Variants in MYO3B observed in about 807,000 individuals in gnomAD.
MYO3B encodes myosin-IIIb.
In MYO3B, 156 loss-of-function variants were observed where a neutral mutation model predicts 174.6. The observed-to-expected ratio is 0.89, with a 90% CI of 0.78 to 1.02. The LOEUF (loss-of-function observed/expected upper bound fraction) is 1.02. Among genes scored for constraint, MYO3B ranks in the 50% least tolerant of loss-of-function variants. The pLI, the probability that MYO3B is intolerant of heterozygous loss-of-function variation, is 0.00. For synonymous variants in MYO3B, 563 were observed against 569.1 expected (o/e 0.99, Z 0.15); for missense variants, 1,632 against 1,639.4 (o/e 1.00, Z 0.08).
At chr2:170,223,141 T>A (rs766026722) in intron 6 of MYO3B, among the ~76,000 whole-genome samples, 2 of 152,128 alleles carry the variant, frequency 1.3e-5, no homozygotes, top group Admixed American at 6.5e-5. Flanking sequence ...TTAAAATTAT[T>A]ATTATCTCCT....
intron 32 of MYO3B, among the ~76,000 whole-genome samples, chr2:170,621,753 C>T (rs1222894270): frequency 6.6e-6 from 1 of 152,070 alleles, no homozygotes; most frequent in Non-Finnish European, 1.5e-5. Flanking sequence ...CTCAAATGAT[C>T]CACCCGCCTC....
At chr2:170,224,120 G>C (rs1005449121) in intron 6 of MYO3B, among the ~76,000 whole-genome samples, 1 of 152,362 alleles carries the variant, frequency 6.6e-6, no homozygotes, top group African/African-American at 2.4e-5. Flanking sequence ...TTGCTAAGCA[G>C]AGGCATAGTG....
chr2:170,575,809 T>G (rs1559129592), intron 32 of MYO3B, among the ~76,000 whole-genome samples: 4 of 152,188 alleles, frequency 2.6e-5, no homozygotes, highest in Admixed American at 1.3e-4. Flanking sequence ...AAAGCATTTT[T>G]TAAAAGAAAA....
chr2:170,621,058 T>G (rs1346058133), intron 32 of MYO3B, among the ~76,000 whole-genome samples: 1 of 151,968 alleles, frequency 6.6e-6, no homozygotes, highest in Non-Finnish European at 1.5e-5. Context: ...CTGGCTAATT[T>G]TTGTATTTTT....
intron 23 of MYO3B, among the ~76,000 whole-genome samples, chr2:170,449,953 C>T (rs1285867594): frequency 6.6e-6 from 1 of 152,088 alleles, no homozygotes; most frequent in Non-Finnish European, 1.5e-5. Context: ...CCCATCAGAG[C>T]CCTATATCTG....
intron 25 of MYO3B, among the ~76,000 whole-genome samples, chr2:170,489,571 C>G (rs138824629): frequency 1.5e-3 from 228 of 152,110 alleles, no homozygotes; most frequent in African/African-American, 4.0e-3. Context: ...AAGGTTGGCT[C>G]TGTCTCCACA....
chr2:170,275,956 T>G (rs2093461268), intron 7 of MYO3B, among the ~76,000 whole-genome samples: 1 of 152,218 alleles, frequency 6.6e-6, no homozygotes, highest in Middle Eastern at 3.2e-3. Context: ...AAGCAGAATT[T>G]TGTAAACTTT....
intron 32 of MYO3B, chr2:170,647,047 C>A: frequency 1.9e-6 from 1 of 540,296 alleles, no homozygotes. Flanking sequence ...TAAACGCATG[C>A]ATGTCACTAA....
At chr2:170,445,284 T>C (rs2094832246) in intron 23 of MYO3B, among the ~76,000 whole-genome samples, 1 of 152,210 alleles carries the variant, frequency 6.6e-6, no homozygotes, top group African/African-American at 2.4e-5. Flanking sequence ...CCATGAGGCA[T>C]ATCACAACCT....
intron 32 of MYO3B, among the ~76,000 whole-genome samples, chr2:170,584,144 C>T (rs1378628633): frequency 6.6e-6 from 1 of 152,178 alleles, no homozygotes; most frequent in African/African-American, 2.4e-5. Flanking sequence ...TTAAATGAAT[C>T]TGAATTTTTT....
intron 8 of MYO3B, among the ~76,000 whole-genome samples, chr2:170,337,078 T>C (rs553720944): frequency 6.6e-6 from 1 of 151,778 alleles, no homozygotes; most frequent in Non-Finnish European, 1.5e-5. Context: ...CAGTCAAAGG[T>C]GATGGTGTCA....
chr2:170,268,627 G>T (rs980618181), intron 7 of MYO3B, among the ~76,000 whole-genome samples: 3 of 152,118 alleles, frequency 2.0e-5, no homozygotes, highest in African/African-American at 7.2e-5. Flanking sequence ...TAAAATGCAA[G>T]TCATATTTAC....
At chr2:170,422,896 T>C (rs923332582) in intron 22 of MYO3B, among the ~76,000 whole-genome samples, 1 of 152,104 alleles carries the variant, frequency 6.6e-6, no homozygotes. Context: ...GTTTACTTTT[T>C]TTGTACTAAG....
chr2:170,463,551 A>T, intron 24 of MYO3B, 106 bp downstream of exon 24: 1 of 967,070 alleles, frequency 1.0e-6, no homozygotes, highest in Non-Finnish European at 1.6e-6. Context: ...CAAAGCACAG[A>T]GTCAAGAAAG....
intron 22 of MYO3B, among the ~76,000 whole-genome samples, chr2:170,422,453 T>C (rs908028811): frequency 5.6e-5 from 8 of 143,208 alleles, no homozygotes; most frequent in African/African-American, 2.1e-4. Context: ...TAAAATGTTC[T>C]ATTAGCCACT....
intron 32 of MYO3B, among the ~76,000 whole-genome samples, chr2:170,545,340 A>G (rs1234754749): frequency 2.0e-5 from 3 of 152,188 alleles, no homozygotes; most frequent in Non-Finnish European, 4.4e-5. Context: ...TGCATATCTG[A>G]GTGGTTTTAC....
chr2:170,610,133 A>C (rs776084114), intron 32 of MYO3B, among the ~76,000 whole-genome samples: 11 of 152,144 alleles, frequency 7.2e-5, no homozygotes, highest in Non-Finnish European at 1.5e-4. Context: ...TCAGGAGATC[A>C]AGACCATCCT....
chr2:170,608,463 A>G (rs1694948007), intron 32 of MYO3B, among the ~76,000 whole-genome samples: 1 of 152,204 alleles, frequency 6.6e-6, no homozygotes, highest in Admixed American at 6.5e-5. Context: ...TCCAAAAGGC[A>G]ACCAAGAGAA....
chr2:170,435,068 T>C (rs574203692), intron 22 of MYO3B, among the ~76,000 whole-genome samples: 1 of 152,384 alleles, frequency 6.6e-6, no homozygotes, highest in African/African-American at 2.4e-5. Flanking sequence ...TGTTAATTAC[T>C]GCAAGTATTG....
Sources: gnomAD v4.1 joint callset for allele counts (sites outside exome capture counted in the v4.1 genomes callset) on GRCh38, gnomAD v4.1.1 for gene constraint, MANE v1.5 for transcripts, NCBI Gene and HGNC (gene_info 2026-07-23, HGNC 2026-07-21) for gene names.